Variants in GFRA2 observed in about 807,000 individuals in gnomAD.
GFRA2 encodes the protein GDNF family receptor alpha-2.
GFRA2 carries 17 observed loss-of-function variants against 48.3 expected under a neutral mutation model. The observed-to-expected ratio is 0.35, with a 90% CI of 0.24 to 0.53. GFRA2 has a LOEUF of 0.53. Ranked by LOEUF, GFRA2 falls within the 20% of genes least tolerant of loss-of-function variation. The probability of loss-of-function intolerance (pLI) is 0.93; values close to 1 mark genes in which losing one functional copy is unlikely to be tolerated. For missense variants in GFRA2, 660 were observed against 637.3 expected, an observed-to-expected ratio of 1.04 and a Z score of -0.38; for synonymous variants, 305 against 257.2, an observed-to-expected ratio of 1.19 and a Z score of -1.78.
At chr8:21,811,814 C>G (rs922494404) in intron 1 of GFRA2, among the ~76,000 whole-genome samples, 1 of 150,062 alleles carries the variant, frequency 6.7e-6, no homozygotes, top group African/African-American at 2.4e-5. Context: ...AACAACACTT[C>G]TGGACTCACA....
chr8:21,730,071 C>G (rs928928384), intron 4 of GFRA2, among the ~76,000 whole-genome samples: 1 of 152,044 alleles, frequency 6.6e-6, no homozygotes, highest in Admixed American at 6.6e-5. Flanking sequence ...AAGGTGTTTC[C>G]TGGGTTCTCA....
chr8:21,712,809 A>G (rs1041255782), intron 4 of GFRA2, among the ~76,000 whole-genome samples: 2 of 152,214 alleles, frequency 1.3e-5, no homozygotes, highest in Non-Finnish European at 2.9e-5. Context: ...GCTGGAGACC[A>G]GCCCGGCCAA....
intron 3 of GFRA2, among the ~76,000 whole-genome samples, chr8:21,757,622 A>G (rs759825829): frequency 3.3e-5 from 5 of 151,706 alleles, no homozygotes; most frequent in Non-Finnish European, 7.4e-5. Flanking sequence ...GCCTCCTCAG[A>G]GTAGCTGGGA....
rs376684309 is a variant in GFRA2, at chr8:21,705,086, G to C, written c.944C>G (p.Thr315Ser). Residue 315 changes from threonine to serine, a missense_variant, in exon 6 of 9, where the codon ACT becomes AGT. Coordinates refer to ENST00000524240, the MANE Select transcript of GFRA2 (RefSeq NM_001495.5). Reference sequence around the variant, plus strand: ...GCACCAGGGGGACACCACGATGCCAGTGGGGCTGGAGTCCACATAGTTAGG... The same window carrying C: ...GCACCAGGGGGACACCACGATGCCACTGGGGCTGGAGTCCACATAGTTAGG... The part of the protein sequence containing the change: ...MTPNYVDSSP[T>S]GIVVSPWCSC... The C allele has an allele frequency of 6.2e-7, 1 of 1,611,224 alleles. No individual in the cohort carries two copies. The highest frequency in any genetic ancestry group is 1.3e-5 in the African/African-American group (1 of 74,876).
intron 2 of GFRA2, among the ~76,000 whole-genome samples, chr8:21,776,037 G>A (rs113218844): frequency 0.25 from 34,314 of 139,656 alleles, 4,453 homozygotes; most frequent in African/African-American, 0.34. Flanking sequence ...GTGTGTGTGT[G>A]TGTAGTGAAA....
chr8:21,796,308 T>C (rs1807675633), intron 2 of GFRA2, among the ~76,000 whole-genome samples: 1 of 152,222 alleles, frequency 6.6e-6, no homozygotes. Context: ...ACACTGGCCA[T>C]CTGCCAGGTA....
At chr8:21,787,265 G>T (rs1348596053) in intron 1 of GFRA2, among the ~76,000 whole-genome samples, 2 of 149,436 alleles carry the variant, frequency 1.3e-5, no homozygotes, top group African/African-American at 2.5e-5. Flanking sequence ...GGAGGCGGCG[G>T]GGGGGGCAGT....
At position 21,717,987 on chromosome 8, in the gene GFRA2, G is replaced by A. The variant is rs984382751; in HGVS notation, c.795-11946C>T. On this transcript the variant is annotated intron_variant, in intron 4 of 8. Transcript: ENST00000524240. ...TTGACTGTGTTTGAACCTTGGCTCAGCAACTCTTGGCTGTGTGATCTTGAG... is the reference window on the plus strand; with the variant it reads ...TTGACTGTGTTTGAACCTTGGCTCAACAACTCTTGGCTGTGTGATCTTGAG... Among the ~76,000 whole-genome samples the A allele has an allele frequency of 2.0e-5, 3 of 152,326 alleles. No individual in the cohort carries two copies. The South Asian group carries it at 6.2e-4, about 32-fold the overall frequency.
intron 4 of GFRA2, among the ~76,000 whole-genome samples, chr8:21,747,732 G>A (rs944244146): frequency 4.7e-5 from 7 of 148,954 alleles, no homozygotes; most frequent in Admixed American, 2.7e-4. Flanking sequence ...CTGCCAGGCC[G>A]GGCCCACTGC....
intron 4 of GFRA2, chr8:21,706,366 G>A (rs1336606948): frequency 8.1e-6 from 4 of 495,374 alleles, no homozygotes; most frequent in South Asian, 4.6e-5. Flanking sequence ...GTGGGTTTGT[G>A]GAGAATGCCT....
At chr8:21,759,388 AAAAG>A (rs1805760805) in intron 3 of GFRA2, among the ~76,000 whole-genome samples, 1 of 144,728 alleles carries the variant, frequency 6.9e-6, no homozygotes, top group South Asian at 2.4e-4. Flanking sequence ...TCTGGCTCAA[AAAAG>A]AAAGAAAGGA....
At chr8:21,780,361 G>A (rs1334332012) in intron 2 of GFRA2, among the ~76,000 whole-genome samples, 1 of 151,982 alleles carries the variant, frequency 6.6e-6, no homozygotes, top group Non-Finnish European at 1.5e-5. Flanking sequence ...CCCTGTTGAG[G>A]GTCCTCTCCT....
intron 3 of GFRA2, among the ~76,000 whole-genome samples, chr8:21,767,616 G>A (rs1481540269): frequency 7.2e-5 from 11 of 152,242 alleles, no homozygotes; most frequent in African/African-American, 1.9e-4. Flanking sequence ...AGGGGCGTCC[G>A]GCCAAGAGCC....
At chr8:21,735,263 C>T (rs1804395778) in intron 4 of GFRA2, among the ~76,000 whole-genome samples, 1 of 152,156 alleles carries the variant, frequency 6.6e-6, no homozygotes. Flanking sequence ...AGTCCATCAA[C>T]CATGTTTTCA....
At chr8:21,718,700 T>G (rs1444157725) in intron 4 of GFRA2, among the ~76,000 whole-genome samples, 1 of 150,976 alleles carries the variant, frequency 6.6e-6, no homozygotes, top group Non-Finnish European at 1.5e-5. Flanking sequence ...CAACAAGGGT[T>G]CGTTACCATC....
intron 4 of GFRA2, among the ~76,000 whole-genome samples, chr8:21,745,809 C>A (rs1017800264): frequency 1.1e-4 from 16 of 152,288 alleles, no homozygotes; most frequent in African/African-American, 3.4e-4. Context: ...AAAGAAGCCA[C>A]TCCTCTCCTT....
At chr8:21,741,210 C>T (rs541472836) in intron 4 of GFRA2, among the ~76,000 whole-genome samples, 11 of 152,148 alleles carry the variant, frequency 7.2e-5, no homozygotes, top group Non-Finnish European at 1.5e-4. Flanking sequence ...CCCCTGCCTG[C>T]CTCCCAACCT....
intron 4 of GFRA2, among the ~76,000 whole-genome samples, chr8:21,706,940 C>G (rs775958097): frequency 6.6e-6 from 1 of 152,214 alleles, no homozygotes; most frequent in South Asian, 2.1e-4. Context: ...GCCCTGGGCC[C>G]TGGCCAGGAA....
chr8:21,700,167 A>C (rs941565626), intron 7 of GFRA2, among the ~76,000 whole-genome samples: 8 of 152,286 alleles, frequency 5.3e-5, no homozygotes, highest in Middle Eastern at 3.4e-3. Flanking sequence ...CAGGTGTCCA[A>C]GACTGACCTG....
Sources: gnomAD v4.1 joint callset for allele counts (sites outside exome capture counted in the v4.1 genomes callset) on GRCh38, gnomAD v4.1.1 for gene constraint, MANE v1.5 for transcripts, NCBI Gene and HGNC (gene_info 2026-07-23, HGNC 2026-07-21) for gene names.